MITD1: variants seen among roughly 807,000 people sequenced by gnomAD.
MITD1 encodes the protein microtubule interacting and trafficking domain containing 1.
In MITD1, 24 loss-of-function variants were observed where a neutral mutation model predicts 34.9. The observed-to-expected ratio is 0.69, with a 90% CI of 0.50 to 0.97. MITD1 has a LOEUF of 0.97. Among genes scored for constraint, MITD1 ranks in the 50% least tolerant of loss-of-function variants. The pLI, the probability that MITD1 is intolerant of heterozygous loss-of-function variation, is 0.00. For synonymous variants in MITD1, 102 were observed against 101.4 expected, an observed-to-expected ratio of 1.01 and a Z score of -0.04; for missense variants, 266 against 294.6, an observed-to-expected ratio of 0.90 and a Z score of 0.71.
chr2:99,166,265 A>G (rs1196783008), downstream of MITD1, among the ~76,000 whole-genome samples: 2 of 151,928 alleles, frequency 1.3e-5, no homozygotes, highest in African/African-American at 4.8e-5. Flanking sequence ...AGAAGAATGG[A>G]GGAAGAGAGT....
intron 5 of MITD1, 65 bp downstream of exon 5, chr2:99,170,472 A>C (rs2093849807): frequency 4.1e-6 from 2 of 491,414 alleles, no homozygotes; most frequent in Admixed American, 6.1e-5. Context: ...AATTATATAA[A>C]ACATTTACAA....
At chr2:99,176,648 A>G (rs1433532999) in intron 1 of MITD1, among the ~76,000 whole-genome samples, 2 of 151,620 alleles carry the variant, frequency 1.3e-5, no homozygotes, top group East Asian at 1.9e-4. Context: ...TTCTTAAAAC[A>G]TTATGAGGGG....
intron 1 of MITD1, among the ~76,000 whole-genome samples, chr2:99,176,471 G>GC (rs1256431981): frequency 7.9e-5 from 12 of 151,892 alleles, no homozygotes; most frequent in Non-Finnish European, 1.8e-4. Flanking sequence ...GATTATAGGC[G>GC]CCCGCCACCA....
chr2:99,173,461 C>G, intron 2 of MITD1: 1 of 470,008 alleles, frequency 2.1e-6, no homozygotes, highest in South Asian at 1.6e-5. Context: ...TGTTTTGATT[C>G]ACAACAAAAT....
At position 99,181,051 on chromosome 2, in the gene MITD1, G is replaced by A; in HGVS notation, c.-70C>T. The stretch of plus-strand genomic sequence containing the variant: ...CGGGTCTGCTGCGCTTCCGGGAAGT[G>A]GTCATGTGATACCCAGGCGCCTGCG... On this transcript the variant is annotated 5_prime_UTR_variant, in exon 1 of 7. Transcript: ENST00000289359. 1 of 1,540,592 alleles carries A rather than the reference G, an allele frequency of 6.5e-7. No individual in the cohort carries two copies. The highest frequency in any genetic ancestry group is 8.8e-7 in the Non-Finnish European group (1 of 1,141,604).
intron 1 of MITD1, among the ~76,000 whole-genome samples, chr2:99,175,833 C>T (rs1482491210): frequency 1.3e-5 from 2 of 152,222 alleles, no homozygotes; most frequent in African/African-American, 4.8e-5. Context: ...TTTTCCTGCT[C>T]AAATTTTATC....
chr2:99,173,527 A>T (rs1169230905), intron 2 of MITD1: 1 of 468,894 alleles, frequency 2.1e-6, no homozygotes, highest in East Asian at 6.9e-5. Flanking sequence ...GTCATTTCAT[A>T]AAGGGAAATA....
intron 2 of MITD1, 115 bp from the exon 3 acceptor site, chr2:99,171,761 TCAG>T: frequency 1.0e-6 from 1 of 984,490 alleles, no homozygotes; most frequent in Non-Finnish European, 1.5e-6. Flanking sequence ...TTTAACTTAT[TCAG>T]CAAATACTTA....
chr2:99,175,797 CTA>C (rs1278512980), intron 1 of MITD1, among the ~76,000 whole-genome samples: 1 of 152,194 alleles, frequency 6.6e-6, no homozygotes, highest in African/African-American at 2.4e-5. Flanking sequence ...TTATTTTACT[CTA>C]TGAGTTATAA....
At chr2:99,179,352 C>T (rs1212631949) in intron 1 of MITD1, among the ~76,000 whole-genome samples, 1 of 152,124 alleles carries the variant, frequency 6.6e-6, no homozygotes, top group African/African-American at 2.4e-5. Flanking sequence ...AGTGGCAGAA[C>T]TTGAAAGCGA....
chr2:99,180,618 G>A, intron 1 of MITD1: 1 of 510,020 alleles, frequency 2.0e-6, no homozygotes, highest in Non-Finnish European at 3.5e-6. Context: ...TTAAAATCTA[G>A]ACTAGTAGCC....
At chr2:99,173,876 A>G (rs1392544330) in intron 2 of MITD1, 39 bp downstream of exon 2, 3 of 1,246,928 alleles carry the variant, frequency 2.4e-6, no homozygotes, top group African/African-American at 2.9e-5. Context: ...GGACAGTCAC[A>G]GTTGTTTATG....
chr2:99,164,139 G>A lies in MITD1; in HGVS notation c.*4-1921C>T, dbSNP rs371987685. On this transcript the variant is annotated intron_variant, in intron 7 of 7. Coordinates refer to the MITD1 transcript ENST00000422537. ...TTTTCAACTTATGTATCTTTCTGCT[G>A]GTGTCAGATTTAATTCATCTCTGGT... Among the ~76,000 whole-genome samples, 196 of 152,210 alleles carry A rather than the reference G, an allele frequency of 1.3e-3. 10 individuals carry two copies. The South Asian group carries it at 0.037, about 29-fold the overall frequency.
rs570764266 is a variant in MITD1 at position 99,176,335 on chromosome 2, C to CA, written c.152-2320_152-2319insT. 2.1e-5 allele frequency among the ~76,000 whole-genome samples: 3 copies of CA among 143,688 alleles called. No individual in the cohort carries two copies. The East Asian group carries it at 6.3e-4, about 30-fold the overall frequency. The allele number at this position is 143,688 out of a possible 152,430, so 94.3% of individuals were successfully genotyped here. Reference sequence around the variant, plus strand: ...ATGAGGCCCAACACAAATTCATAAACTTTTTTTTTTTTTTTGAGACGGAGT... The same window carrying CA: ...ATGAGGCCCAACACAAATTCATAAACATTTTTTTTTTTTTTTGAGACGGAGT... On this transcript the variant is annotated intron_variant, in intron 1 of 6. Transcript: ENST00000289359.
At chr2:99,162,171 G>T (rs1325044931) in exon 8 of MITD1, 1 of 1,614,020 alleles carries the variant, frequency 6.2e-7, no homozygotes, top group Admixed American at 1.7e-5. Context: ...TTCTCCCTCT[G>T]TTGTAATTGG....
intron 2 of MITD1, chr2:99,173,190 A>G (rs921868510): frequency 5.0e-6 from 1 of 198,034 alleles, no homozygotes; most frequent in African/African-American, 2.3e-5. Context: ...TCCCCAGGGT[A>G]TGTACTGATA....
downstream of MITD1, among the ~76,000 whole-genome samples, chr2:99,168,207 T>C (rs1306216415): frequency 6.6e-6 from 1 of 152,208 alleles, no homozygotes; most frequent in Non-Finnish European, 1.5e-5. Flanking sequence ...AATGGCATGA[T>C]CTCCGCTCAC....
downstream of MITD1, among the ~76,000 whole-genome samples, chr2:99,165,061 C>CATAT (rs1553515881): frequency 0.072 from 9,748 of 134,928 alleles, 501 homozygotes; most frequent in East Asian, 0.16. Flanking sequence ...CACACACACA[C>CATAT]ATATATATAT....
chr2:99,165,440 T>A (rs552452224), downstream of MITD1, among the ~76,000 whole-genome samples: 86 of 151,942 alleles, frequency 5.7e-4, no homozygotes, highest in Non-Finnish European at 1.0e-3. Context: ...ATATCAAAAG[T>A]TAGGTTGGGG....
Sources: gnomAD v4.1 joint callset for allele counts (sites outside exome capture counted in the v4.1 genomes callset) on GRCh38, gnomAD v4.1.1 for gene constraint, MANE v1.5 for transcripts, NCBI Gene and HGNC (gene_info 2026-07-23, HGNC 2026-07-21) for gene names.